Variants in PCDHGA2 observed in about 807,000 individuals in gnomAD.
PCDHGA2 encodes protocadherin gamma-A2.
A neutral mutation model predicts 59.2 loss-of-function variants in PCDHGA2; 40 were observed. The observed-to-expected ratio is 0.68, with a 90% CI of 0.52 to 0.88. The LOEUF is 0.88. Among genes scored for constraint, PCDHGA2 ranks in the 40% least tolerant of loss-of-function variants. PCDHGA2 has a pLI of 0.00. For missense variants in PCDHGA2, 1,226 were observed against 1,204.0 expected, an observed-to-expected ratio of 1.02 and a Z score of -0.27; for synonymous variants, 560 against 526.0, an observed-to-expected ratio of 1.06 and a Z score of -0.89.
intron 1 of PCDHGA2, among the ~76,000 whole-genome samples, chr5:141,459,059 A>G (rs1219921155): frequency 2.6e-5 from 4 of 152,228 alleles, no homozygotes; most frequent in African/African-American, 4.8e-5. Context: ...AGTATAATTT[A>G]TATAACATAA....
rs1200956041 is a variant in PCDHGA2 at position 141,339,527 on chromosome 5, G to A, written c.556G>A (p.Ala186Thr). The change falls in exon 1 of 4, where the codon GCT (alanine) becomes ACT (threonine). Residue 186 changes from alanine to threonine, a missense_variant. By Grantham distance (58) the Ala-to-Thr change is moderately conservative. Transcript: ENST00000394576. ...DHFSLDVRRG[A>T]DGNKYPELVL... ...CTTCTCCCTGGACGTGCGAAGGGGA[G>A]CTGATGGGAACAAGTACCCAGAACT... 1.9e-6 allele frequency: 3 copies of A among 1,614,042 alleles called. No individual in the cohort carries two copies. The African/African-American group carries it at 4.0e-5, about 22-fold the overall frequency.
rs556415227 is a variant in PCDHGA2, at chr5:141,476,903, G to A, written c.2425-17904G>A. ...GGAGGATGCACCCTCCGGCACGCGC[G>A]TGGTACAAGTCCTTGCAACGGATCT... On this transcript the variant is annotated intron_variant, in intron 1 of 3. Transcript: ENST00000394576. This position sits in a 1 kb window ranked among gnomAD's most constrained non-coding sequence, Gnocchi z 7.6. The A allele has an allele frequency of 1.4e-5, 22 of 1,614,018 alleles. No homozygotes were observed. In the African/African-American group the frequency reaches 1.7e-4, roughly 13 times the overall value.
At chr5:141,360,838 G>A (rs776801696) in intron 1 of PCDHGA2, 2 of 1,614,002 alleles carry the variant, frequency 1.2e-6, no homozygotes, top group Admixed American at 1.7e-5. Flanking sequence ...AGTCACGGAT[G>A]CCAACGATAA....
intron 1 of PCDHGA2, chr5:141,423,749 TTGGGGGGGGGG>T: frequency 3.7e-6 from 1 of 272,202 alleles, no homozygotes; most frequent in Non-Finnish European, 4.7e-6. Context: ...TGAAAACTGT[TTGGGGGGGGGG>T]TGGGGCGGCA....
intron 1 of PCDHGA2, chr5:141,413,386 GTC>G: frequency 6.2e-7 from 1 of 1,614,002 alleles, no homozygotes; most frequent in Non-Finnish European, 8.5e-7. Context: ...AGTCCGCATA[GTC>G]TCCAGAGGTA....
intron 2 of PCDHGA2, among the ~76,000 whole-genome samples, chr5:141,500,176 A>G (rs922155744): frequency 1.4e-5 from 2 of 145,916 alleles, no homozygotes; most frequent in Admixed American, 1.4e-4. Flanking sequence ...CATGAGCTTC[A>G]TTTTTATTTT....
At chr5:141,421,376 C>T in intron 1 of PCDHGA2, 2 of 1,614,030 alleles carry the variant, frequency 1.2e-6, no homozygotes, top group Non-Finnish European at 1.7e-6. Context: ...GGCAATATCT[C>T]CAAGGACCTG....
intron 1 of PCDHGA2, chr5:141,360,240 T>G: frequency 6.2e-7 from 1 of 1,613,948 alleles, no homozygotes; most frequent in African/African-American, 1.3e-5. Context: ...AGATCCGCTA[T>G]TCAATTCCAG....
chr5:141,426,998 A>C (rs981827933), intron 1 of PCDHGA2: 8 of 456,664 alleles, frequency 1.8e-5, no homozygotes, highest in African/African-American at 1.6e-4. Flanking sequence ...ATAATGCCCC[A>C]GTTTTTAGCC....
Position 141,340,024 on chromosome 5 carries a change from T to C in PCDHGA2, c.1053T>C (p.Ser351=). 1.2e-6 allele frequency: 2 copies of C among 1,614,236 alleles called. No homozygotes were observed. Among genetic ancestry groups the C allele is most frequent in the Non-Finnish European group, 1.7e-6 (2 of 1,180,036 alleles). The change falls in exon 1 of 4, where the codon TCT becomes TCC. Residue 351 remains serine (S), a synonymous_variant. Coordinates refer to ENST00000394576, the MANE Select transcript of PCDHGA2 (RefSeq NM_018915.4). ...NDNAPEFYMT[S]ATSSVSEDSL... ...ATGCCCCAGAATTTTACATGACATC[T>C]GCTACTAGCTCAGTTTCTGAAGACT...
Position 141,486,178 on chromosome 5 carries a change from C to A in PCDHGA2, c.2425-8629C>A, listed in dbSNP as rs767840363. On this transcript the variant is annotated intron_variant, in intron 1 of 3. Transcript: ENST00000394576. This position sits in a 1 kb window ranked among gnomAD's most constrained non-coding sequence, Gnocchi z 5.0. ...CTCCAGCCATGGAGCAACATTGCAG[C>A]CTTCGAGTGGATCTGCTGGACGTAA... 1.2e-6 allele frequency: 2 copies of A among 1,614,194 alleles called. No homozygotes were observed. The highest frequency in any genetic ancestry group is 2.2e-5 in the East Asian group (1 of 44,882).
chr5:141,480,413 T>C (rs1478520852), intron 1 of PCDHGA2, among the ~76,000 whole-genome samples: 2 of 135,292 alleles, frequency 1.5e-5, no homozygotes, highest in African/African-American at 3.0e-5. Context: ...AGACCCTGTC[T>C]CAAAAAAAAA....
intron 1 of PCDHGA2, chr5:141,413,972 T>G: frequency 6.2e-7 from 1 of 1,613,420 alleles, no homozygotes; most frequent in Non-Finnish European, 8.5e-7. Context: ...ACTCAGCTGC[T>G]GACAGTCACA....
rs759270061 is a variant in PCDHGA2, at chr5:141,372,011, G to A, written c.2424+30616G>A. 4.3e-6 allele frequency: 7 copies of A among 1,613,294 alleles called. No homozygotes were observed. In the South Asian group the frequency reaches 6.6e-5, roughly 15 times the overall value. On this transcript the variant is annotated intron_variant, in intron 1 of 3. Transcript: ENST00000394576. Reference sequence around the variant, plus strand: ...CTCTGCAGGCCCGCGACCAGGGCTCGCCTACGCTCAGCGCCAACGTGAGCC... The same window carrying A: ...CTCTGCAGGCCCGCGACCAGGGCTCACCTACGCTCAGCGCCAACGTGAGCC...
chr5:141,360,623 G>A, intron 1 of PCDHGA2: 1 of 1,613,970 alleles, frequency 6.2e-7, no homozygotes, highest in African/African-American at 1.3e-5. Flanking sequence ...TCAGATGTTG[G>A]TCCTAACTCA....
At chr5:141,371,248 G>T in intron 1 of PCDHGA2, 1 of 1,614,024 alleles carries the variant, frequency 6.2e-7, no homozygotes, top group East Asian at 2.2e-5. Context: ...ATCAATATTG[G>T]CAAGGAAGTG....
intron 1 of PCDHGA2, chr5:141,351,037 G>A (rs1370361683): frequency 1.2e-6 from 2 of 1,613,906 alleles, no homozygotes; most frequent in East Asian, 4.5e-5. Flanking sequence ...CCTCCGTGCT[G>A]CGGGTGATGG....
At chr5:141,454,871 G>A (rs1337911223) in intron 1 of PCDHGA2, among the ~76,000 whole-genome samples, 2 of 129,030 alleles carry the variant, frequency 1.6e-5, no homozygotes, top group Non-Finnish European at 3.1e-5. Context: ...GCAGTGGCAC[G>A]ATCTTGGCTC....
intron 1 of PCDHGA2, chr5:141,359,955 C>G (rs1375223360): frequency 1.1e-5 from 6 of 566,630 alleles, no homozygotes; most frequent in Non-Finnish European, 1.7e-5. Flanking sequence ...GTCAAAAGAA[C>G]GAAGAGAAGC....
Sources: allele counts gnomAD v4.1 joint callset (sites outside exome capture counted in the v4.1 genomes callset), GRCh38; gene constraint gnomAD v4.1.1; non-coding constraint Gnocchi (gnomAD v3.1); transcripts MANE v1.5; gene names NCBI Gene and HGNC (gene_info 2026-07-23, HGNC 2026-07-21).